Variants in LRBA observed in about 807,000 individuals in gnomAD.
The protein encoded by LRBA is lipopolysaccharide-responsive and beige-like anchor protein.
Under a neutral mutation model 330.0 loss-of-function variants are expected in LRBA, and 176 were observed. That is an observed-to-expected ratio of 0.53 (90% CI 0.47 to 0.60). The LOEUF (loss-of-function observed/expected upper bound fraction) is 0.60, where lower values mean the gene tolerates loss of function less well. LRBA is among the 20% of genes least tolerant of loss of function. LRBA has a pLI of 0.00. For missense variants in LRBA, 3,259 were observed against 3,444.8 expected (o/e 0.95, Z 1.35); for synonymous variants, 1,230 against 1,193.0 (o/e 1.03, Z -0.64).
At chr4:150,391,552 A>G (rs1199320825) in intron 47 of LRBA, among the ~76,000 whole-genome samples, 1 of 152,198 alleles carries the variant, frequency 6.6e-6, no homozygotes, top group Admixed American at 6.6e-5. Flanking sequence ...AACATATTTG[A>G]TTCAACAAAC....
intron 44 of LRBA, among the ~76,000 whole-genome samples, chr4:150,453,838 A>T (rs920178508): frequency 2.0e-5 from 3 of 152,206 alleles, no homozygotes; most frequent in East Asian, 1.9e-4. Context: ...ACACTGACTA[A>T]TCTTAAACCT....
At chr4:150,901,306 AT>A (rs35942639) in intron 13 of LRBA, among the ~76,000 whole-genome samples, 106,250 of 151,820 alleles carry the variant, frequency 0.7, 42,935 homozygotes, top group Non-Finnish European at 0.91. Context: ...AAAAAAACAA[AT>A]TTTTTTTCAG....
At chr4:150,634,896 A>G (rs1428146253) in intron 37 of LRBA, among the ~76,000 whole-genome samples, 1 of 152,162 alleles carries the variant, frequency 6.6e-6, no homozygotes, top group Non-Finnish European at 1.5e-5. Context: ...TCCCTGCACC[A>G]CTGCCCCCTA....
intron 49 of LRBA, among the ~76,000 whole-genome samples, chr4:150,324,274 G>A (rs780935525): frequency 6.6e-6 from 1 of 152,126 alleles, no homozygotes; most frequent in African/African-American, 2.4e-5. Flanking sequence ...AGTCTCAATG[G>A]CAAGCTATTA....
intron 50 of LRBA, among the ~76,000 whole-genome samples, chr4:150,315,829 G>A (rs1302871967): frequency 1.1e-4 from 16 of 152,094 alleles, no homozygotes; most frequent in Admixed American, 1.0e-3. Flanking sequence ...TCTGAACTGT[G>A]CCATCAGCAG....
At chr4:150,933,610 A>G (rs754171466) in intron 2 of LRBA, among the ~76,000 whole-genome samples, 4 of 152,180 alleles carry the variant, frequency 2.6e-5, no homozygotes, top group African/African-American at 9.7e-5. Context: ...TCTGGAAAAG[A>G]TCTATTGCAT....
In LRBA at chr4:150,828,587, C is replaced by T. The variant is rs144797074; in HGVS notation, c.4764G>A (p.Thr1588=). The change falls in exon 30 of 57, where the codon ACG becomes ACA. Residue 1588 remains threonine, a synonymous_variant. Transcript: ENST00000651943. ...ITPAAFSTLT[T]ASVEESESTS... is the part of the protein sequence containing the mutation. ...TGCTTTCAGATTCTTCCACTGATGCCGTAGTTAAAGTGCTGAATGCTGCTG... is the reference window on the plus strand; with the variant it reads ...TGCTTTCAGATTCTTCCACTGATGCTGTAGTTAAAGTGCTGAATGCTGCTG... 93 of 1,613,778 alleles carry T rather than the reference C, an allele frequency of 5.8e-5. 1 individual carries two copies. The South Asian group carries it at 8.7e-4, about 15-fold the overall frequency.
intron 17 of LRBA, among the ~76,000 whole-genome samples, chr4:150,887,206 T>C (rs1045361370): frequency 1.3e-5 from 2 of 152,046 alleles, no homozygotes; most frequent in South Asian, 2.1e-4. Flanking sequence ...ATGCATACTA[T>C]CTGAAACAAA....
At chr4:150,528,378 G>A (rs1763696844) in intron 40 of LRBA, among the ~76,000 whole-genome samples, 1 of 151,952 alleles carries the variant, frequency 6.6e-6, no homozygotes, top group African/African-American at 2.4e-5. Context: ...GTGGGCGCCT[G>A]TAGTCTTAGC....
intron 43 of LRBA, among the ~76,000 whole-genome samples, chr4:150,468,406 G>A (rs1561220100): frequency 6.6e-6 from 1 of 151,942 alleles, no homozygotes; most frequent in East Asian, 1.9e-4. Context: ...GTGGCCACAT[G>A]CTCTTCTATA....
chr4:150,986,918 T>G (rs915923317), intron 2 of LRBA, among the ~76,000 whole-genome samples: 1 of 152,204 alleles, frequency 6.6e-6, no homozygotes, highest in Non-Finnish European at 1.5e-5. Context: ...AACTTCCACC[T>G]TCTGCTAAAG....
intron 37 of LRBA, among the ~76,000 whole-genome samples, chr4:150,599,970 A>G (rs1311029136): frequency 6.6e-6 from 1 of 152,144 alleles, no homozygotes; most frequent in Non-Finnish European, 1.5e-5. Context: ...ACTTTTGGAA[A>G]TGTATTTTTT....
At chr4:150,507,144 C>T (rs1001963152) in intron 40 of LRBA, among the ~76,000 whole-genome samples, 3 of 151,302 alleles carry the variant, frequency 2.0e-5, no homozygotes, top group Non-Finnish European at 3.0e-5. Flanking sequence ...TGAAAATGGC[C>T]ATACTGCCCA....
At chr4:150,592,215 A>G (rs1772972353) in intron 38 of LRBA, among the ~76,000 whole-genome samples, 1 of 145,918 alleles carries the variant, frequency 6.9e-6, no homozygotes, top group Non-Finnish European at 1.5e-5. Flanking sequence ...AAACCCCAGA[A>G]AGAATAAAGC....
intron 52 of LRBA, among the ~76,000 whole-genome samples, chr4:150,303,734 C>A (rs754603668): frequency 6.6e-6 from 1 of 152,070 alleles, no homozygotes; most frequent in South Asian, 2.1e-4. Context: ...CCACCACGCC[C>A]GGCTAATTTT....
At chr4:150,605,967 A>C (rs1484956835) in intron 37 of LRBA, among the ~76,000 whole-genome samples, 1 of 152,166 alleles carries the variant, frequency 6.6e-6, no homozygotes, top group Non-Finnish European at 1.5e-5. Flanking sequence ...TTCTTTATTG[A>C]GGCCTGACAT....
chr4:150,768,435 A>T (rs972491336), intron 34 of LRBA, among the ~76,000 whole-genome samples: 3 of 152,224 alleles, frequency 2.0e-5, no homozygotes, highest in Non-Finnish European at 4.4e-5. Context: ...CTGTGTAGCC[A>T]TCCTACCATG....
intron 2 of LRBA, among the ~76,000 whole-genome samples, chr4:150,991,417 A>G (rs1453390041): frequency 1.3e-5 from 2 of 152,240 alleles, no homozygotes; most frequent in Non-Finnish European, 2.9e-5. Flanking sequence ...AACTTACCCA[A>G]AGTAACTGGA....
intron 56 of LRBA, among the ~76,000 whole-genome samples, chr4:150,273,054 C>A (rs1431502177): frequency 6.6e-6 from 1 of 152,068 alleles, no homozygotes; most frequent in African/African-American, 2.4e-5. Context: ...TTAAGGGCAG[C>A]CAGAAAGAAA....
Sources: allele counts gnomAD v4.1 joint callset (sites outside exome capture counted in the v4.1 genomes callset), GRCh38; gene constraint gnomAD v4.1.1; transcripts MANE v1.5; gene names NCBI Gene and HGNC (gene_info 2026-07-23, HGNC 2026-07-21).